RBM47: variants seen among roughly 807,000 people sequenced by gnomAD.
The protein encoded by RBM47 is RNA binding motif protein 47.
RBM47 carries 21 observed loss-of-function variants against 47.1 expected under a neutral mutation model. The observed-to-expected ratio is 0.45, with a 90% CI of 0.32 to 0.64. RBM47 has a LOEUF of 0.64. RBM47 is among the 30% of genes least tolerant of loss of function. The pLI, the probability that RBM47 is intolerant of heterozygous loss-of-function variation, is 0.05. For missense variants in RBM47, 708 were observed against 870.9 expected, an observed-to-expected ratio of 0.81 and a Z score of 2.35; for synonymous variants, 375 against 361.7, an observed-to-expected ratio of 1.04 and a Z score of -0.42.
chr4:40,509,763 G>A (rs1724661670), intron 2 of RBM47, among the ~76,000 whole-genome samples: 1 of 152,028 alleles, frequency 6.6e-6, no homozygotes, highest in East Asian at 1.9e-4. Flanking sequence ...GCGGGCGCCT[G>A]TAGTCCTAGC....
intron 1 of RBM47, among the ~76,000 whole-genome samples, chr4:40,580,085 T>C (rs542354183): frequency 7.9e-5 from 12 of 152,268 alleles, no homozygotes; most frequent in South Asian, 6.2e-4. Context: ...TAAATTCGAA[T>C]TGGTCTAAGT....
intron 3 of RBM47, among the ~76,000 whole-genome samples, chr4:40,447,115 C>A (rs1161202879): frequency 1.3e-5 from 2 of 152,182 alleles, no homozygotes; most frequent in African/African-American, 4.8e-5. Context: ...GTCCAACCAT[C>A]TATGTAGATG....
intron 1 of RBM47, among the ~76,000 whole-genome samples, chr4:40,568,710 T>A (rs958844715): frequency 6.6e-6 from 1 of 151,770 alleles, no homozygotes; most frequent in African/African-American, 2.4e-5. Context: ...TAAAACACAG[T>A]AGAAGGTCTT....
intron 2 of RBM47, among the ~76,000 whole-genome samples, chr4:40,488,411 C>T (rs1244251291): frequency 6.6e-6 from 1 of 151,912 alleles, no homozygotes; most frequent in Admixed American, 6.6e-5. Flanking sequence ...CAGTGCGCAC[C>T]ATTTTCATAA....
chr4:40,476,790 C>T (rs1004627712), intron 2 of RBM47, among the ~76,000 whole-genome samples: 1 of 152,084 alleles, frequency 6.6e-6, no homozygotes, highest in African/African-American at 2.4e-5. Context: ...AGCTCTGCAG[C>T]ACATCAAGAG....
intron 1 of RBM47, among the ~76,000 whole-genome samples, chr4:40,577,090 T>C (rs889799221): frequency 6.6e-6 from 1 of 152,168 alleles, no homozygotes; most frequent in African/African-American, 2.4e-5. Flanking sequence ...CTCCAAGGAA[T>C]GGGTGGCCTG....
At chr4:40,527,434 C>T (rs960206831) in intron 2 of RBM47, among the ~76,000 whole-genome samples, 3 of 130,628 alleles carry the variant, frequency 2.3e-5, no homozygotes, top group African/African-American at 9.5e-5. Flanking sequence ...TCACACCTGG[C>T]AATTTTTTTT....
intron 2 of RBM47, among the ~76,000 whole-genome samples, chr4:40,512,639 C>T (rs1725085296): frequency 1.4e-5 from 2 of 144,218 alleles, no homozygotes. Flanking sequence ...CACTTGAACC[C>T]CGGAGGCAGA....
intron 1 of RBM47, among the ~76,000 whole-genome samples, chr4:40,614,674 A>G (rs973146786): frequency 6.6e-6 from 1 of 151,920 alleles, no homozygotes; most frequent in African/African-American, 2.4e-5. Flanking sequence ...ATCTCTACAA[A>G]AAAAAAAAAA....
chr4:40,522,764 T>G (rs1331913821), intron 2 of RBM47, among the ~76,000 whole-genome samples: 1 of 151,278 alleles, frequency 6.6e-6, no homozygotes, highest in Non-Finnish European at 1.5e-5. Context: ...TGAAAAAATA[T>G]AAACGACATG....
At chr4:40,553,250 CTT>C (rs1305897519) in intron 1 of RBM47, among the ~76,000 whole-genome samples, 2 of 151,266 alleles carry the variant, frequency 1.3e-5, no homozygotes, top group East Asian at 3.9e-4. Flanking sequence ...CTTTATTTCT[CTT>C]CTTTGCTCAT....
At chr4:40,496,351 CA>C (rs764103400) in intron 2 of RBM47, among the ~76,000 whole-genome samples, 22,893 of 151,864 alleles carry the variant, frequency 0.15, 1,780 homozygotes, top group East Asian at 0.2. Flanking sequence ...CACACACACA[CA>C]CACACACACA....
rs145986649 is a variant in RBM47 at position 40,521,695 on chromosome 4, C to T, written c.-155+22727G>A. On this transcript the variant is annotated intron_variant, in intron 2 of 6. Transcript: ENST00000295971. ...TATTTAGACTTGAATATTTGGCAGA[C>T]CTTTTCTAGAAAATGAATGAAGTGA... Among the ~76,000 whole-genome samples, 1,071 of 152,214 alleles carry T rather than the reference C, an allele frequency of 7.0e-3. 3 individuals carry two copies. Among genetic ancestry groups the T allele is most frequent in the Non-Finnish European group, 0.011 (768 of 68,022 alleles).
At chr4:40,555,472 G>A (rs2154265248) in intron 1 of RBM47, among the ~76,000 whole-genome samples, 1 of 152,300 alleles carries the variant, frequency 6.6e-6, no homozygotes, top group African/African-American at 2.4e-5. Context: ...TGTGATCAAG[G>A]AATACTGCCT....
intron 1 of RBM47, among the ~76,000 whole-genome samples, chr4:40,618,223 G>C (rs1736917718): frequency 6.7e-6 from 1 of 149,504 alleles, no homozygotes; most frequent in Non-Finnish European, 1.5e-5. Context: ...CTAGGCAACA[G>C]AGCAAGACCC....
In RBM47 at chr4:40,568,905, C is replaced by T. The variant is rs62304577; in HGVS notation, c.-239-24399G>A. Among the ~76,000 whole-genome samples, 837 of 151,726 alleles carry T rather than the reference C, an allele frequency of 5.5e-3. 22 individuals are homozygous for T. Among genetic ancestry groups the T allele is most frequent in the Non-Finnish European group, 9.6e-3 (650 of 67,774 alleles). On this transcript the variant is annotated intron_variant, in intron 1 of 6. Transcript: ENST00000295971. ...CTGAGGCAGGAGAATTGCTTGAAACCGGGAGGCGGAGGTTACAGTGAGCCG... is the reference window on the plus strand; with the variant it reads ...CTGAGGCAGGAGAATTGCTTGAAACTGGGAGGCGGAGGTTACAGTGAGCCG...
At chr4:40,589,807 T>TTCTGGCA (rs1304026819) in intron 1 of RBM47, among the ~76,000 whole-genome samples, 1 of 152,206 alleles carries the variant, frequency 6.6e-6, no homozygotes, top group Non-Finnish European at 1.5e-5. Context: ...CTGTTTTTAA[T>TTCTGGCA]TCTGGCATTT....
chr4:40,438,867 G>A lies in RBM47; in HGVS notation c.27C>T (p.Ala9=), dbSNP rs1170027569. The change falls in exon 4 of 7, where the codon GCC becomes GCT. Residue 9 remains alanine (A), a synonymous_variant. Transcript: ENST00000295971. MTAEDSTA[A]MSSDSAAGSS... ...ACCCGGCGGCCGAGTCACTGCTCAT[G>A]GCTGCGGTGGAATCCTCTGCGGTCA... 15 of 1,559,410 alleles carry A rather than the reference G, an allele frequency of 9.6e-6. No individual in the cohort carries two copies. Among genetic ancestry groups the A allele is most frequent in the African/African-American group, 1.3e-5 (1 of 74,498 alleles).
chr4:40,560,697 T>C (rs1250657994), intron 1 of RBM47, among the ~76,000 whole-genome samples: 1 of 152,210 alleles, frequency 6.6e-6, no homozygotes, highest in Non-Finnish European at 1.5e-5. Context: ...CTGGGCGTGG[T>C]GGCTCATGCC....
Sources: allele counts gnomAD v4.1 joint callset (sites outside exome capture counted in the v4.1 genomes callset), GRCh38; gene constraint gnomAD v4.1.1; transcripts MANE v1.5; gene names NCBI Gene and HGNC (gene_info 2026-07-23, HGNC 2026-07-21).